LRRC7: variants seen among roughly 807,000 people sequenced by gnomAD.
LRRC7 encodes the protein leucine-rich repeat-containing protein 7.
Under a neutral mutation model 175.7 loss-of-function variants are expected in LRRC7, and 23 were observed. The ratio of observed to expected loss-of-function variants is 0.13; its 90% CI spans 0.09 to 0.19. The LOEUF (loss-of-function observed/expected upper bound fraction) is 0.19. Ranked by LOEUF, LRRC7 falls within the 10% of genes least tolerant of loss-of-function variation. The pLI is 1.00. For synonymous variants in LRRC7, 685 were observed against 680.9 expected (o/e 1.01, Z -0.09); for missense variants, 1,354 against 1,904.7 (o/e 0.71, Z 5.38).
At position 70,126,407 on chromosome 1, in the gene LRRC7, A is replaced by C. The variant is rs1292010268; in HGVS notation, c.*4520A>C. On this transcript the variant is annotated 3_prime_UTR_variant, in exon 27 of 27. Transcript: ENST00000651989. The stretch of plus-strand genomic sequence containing the variant: ...GTAGTTCCTTTCACAGAAATGCTAA[A>C]TCTTACTGAGCTTAACTAAATGTTC... Among the ~76,000 whole-genome samples the C allele has an allele frequency of 4.6e-5, 7 of 152,052 alleles. No homozygotes were observed. The East Asian group carries it at 1.3e-3, about 29-fold the overall frequency.
chr1:69,926,333 G>T (rs1344583473), intron 7 of LRRC7, among the ~76,000 whole-genome samples: 15 of 131,502 alleles, frequency 1.1e-4, no homozygotes, highest in Admixed American at 5.0e-4. Flanking sequence ...TCCACTTGGT[G>T]CAGAGCTGAG....
At chr1:69,750,387 T>C (rs1429514750) in intron 2 of LRRC7, among the ~76,000 whole-genome samples, 1 of 152,186 alleles carries the variant, frequency 6.6e-6, no homozygotes, top group East Asian at 1.9e-4. Flanking sequence ...TCTGATTTGA[T>C]TGTCACACAT....
At chr1:69,834,748 A>G (rs1459800903) in intron 5 of LRRC7, 32 bp from the exon 6 acceptor site, 3 of 1,501,826 alleles carry the variant, frequency 2.0e-6, no homozygotes, top group Non-Finnish European at 2.8e-6. Context: ...AGCAACATCA[A>G]TGCAGTGACT....
Position 70,141,614 on chromosome 1 carries a change from CTATAGTTAAGAAAAT to C in LRRC7, c.*19731_*19745del, listed in dbSNP as rs1036555795. On this transcript the variant is annotated 3_prime_UTR_variant, in exon 27 of 27. Transcript: ENST00000651989. ...AGAAATTAAAATGTGGTTATCTCAG[CTATAGTTAAGAAAAT>C]TATCAAATGTAAATGATCCCTTTTT... 2.8e-4 allele frequency: 42 copies of C among 152,132 alleles called. No individual in the cohort carries two copies. The highest frequency in any genetic ancestry group is 3.4e-3 in the Middle Eastern group (1 of 292). The allele number at this position is 152,132 out of a possible 1,614,324, so 9.4% of individuals were successfully genotyped here.
chr1:70,055,858 C>T (rs1661109815), intron 23 of LRRC7, among the ~76,000 whole-genome samples: 1 of 152,124 alleles, frequency 6.6e-6, no homozygotes, highest in African/African-American at 2.4e-5. Flanking sequence ...AGAGCCAAAC[C>T]ATAACAAATT....
rs138267435 is a variant in LRRC7 at position 69,876,342 on chromosome 1, G to A, written c.647+38059G>A. On this transcript the variant is annotated intron_variant, in intron 7 of 26. Coordinates refer to ENST00000651989, the MANE Select transcript of LRRC7 (RefSeq NM_001370785.2). ...TATTTTATCAGTTTTTAAAGGGAAG[G>A]CATGTTAGGCATAGTCAGTTTTATT... Among the ~76,000 whole-genome samples the A allele has an allele frequency of 4.2e-3, 634 of 152,182 alleles. 6 individuals are homozygous for A. The highest frequency in any genetic ancestry group is 0.014 in the African/African-American group (575 of 41,542).
Position 70,023,253 on chromosome 1 carries a change from C to G in LRRC7, c.1673C>G (p.Pro558Arg). 1 of 1,613,232 alleles carries G rather than the reference C, an allele frequency of 6.2e-7. No individual in the cohort carries two copies. The highest frequency in any genetic ancestry group is 8.5e-7 in the Non-Finnish European group (1 of 1,179,528). The part of the protein sequence containing the change: ...CDQQIQDMPV[P>R]QNDPQLAWGC... ...CAGCAGATCCAAGATATGCCCGTCC[C>G]CCAGAATGACCCACAGCTGGCATGG... Residue 558 changes from proline (P) to arginine (R), a missense_variant, in exon 17 of 27, where the codon CCC becomes CGC. By Grantham distance (103) the Pro-to-Arg change is moderately radical (BLOSUM62 -2). Around this residue, in one of 4 missense-constraint regions of LRRC7, gnomAD observed 1,032 missense variants for 1,227.2 expected, o/e 0.84. Transcript: ENST00000651989.
rs574399723 is a variant in LRRC7, at chr1:70,064,549, T to C, written c.4230+11404T>C. On this transcript the variant is annotated intron_variant, in intron 23 of 26. Coordinates refer to ENST00000651989, the MANE Select transcript of LRRC7 (RefSeq NM_001370785.2). The stretch of plus-strand genomic sequence containing the variant: ...CAACAAAAAAAATCAGAAAACATTA[T>C]AGCATAGCCCATTGCACTGTTAAAT... Among the ~76,000 whole-genome samples, 17 of 151,996 alleles carry C rather than the reference T, an allele frequency of 1.1e-4. No individual in the cohort carries two copies. The Middle Eastern group carries it at 0.01, about 91-fold the overall frequency.
rs144325464 is a variant in LRRC7, at chr1:69,903,350, C to T, written c.648-28157C>T. Among the ~76,000 whole-genome samples the T allele has an allele frequency of 4.8e-3, 733 of 152,228 alleles. 10 individuals are homozygous for T. The highest frequency in any genetic ancestry group is 0.016 in the African/African-American group (676 of 41,532). The stretch of plus-strand genomic sequence containing the variant: ...GGCGAGCGGAAGCAGGGTGGGGCAT[C>T]GCCTCACCTGGGAAGCACAAGGGGT... On this transcript the variant is annotated intron_variant, in intron 7 of 26. Coordinates refer to ENST00000651989, the MANE Select transcript of LRRC7 (RefSeq NM_001370785.2).
chr1:69,894,297 T>C (rs931968533), intron 7 of LRRC7, among the ~76,000 whole-genome samples: 5 of 152,168 alleles, frequency 3.3e-5, no homozygotes, highest in African/African-American at 1.2e-4. Flanking sequence ...GTCAGGAAGC[T>C]GGTAAGGTGT....
In LRRC7 at chr1:70,023,120, C is replaced by A; in HGVS notation, c.1546-6C>A. The A allele has an allele frequency of 7.2e-7, 1 of 1,384,512 alleles. No individual in the cohort carries two copies. The highest frequency in any genetic ancestry group is 2.1e-5 in the South Asian group (1 of 48,744). The allele number at this position is 1,384,512 out of a possible 1,614,324, so 85.8% of individuals were successfully genotyped here. Reference sequence around the variant, plus strand: ...TCCCAGAAAATGGAGATTCCTTCTCCCACAGGATCTCTCCTGCCAAGCCCC... The same window carrying A: ...TCCCAGAAAATGGAGATTCCTTCTCACACAGGATCTCTCCTGCCAAGCCCC... On this transcript the variant is annotated splice_polypyrimidine_tract_variant and splice_region_variant and intron_variant, in intron 16 of 26. Coordinates refer to ENST00000651989, the MANE Select transcript of LRRC7 (RefSeq NM_001370785.2).
rs1332130135 is a variant in LRRC7 at position 69,650,136 on chromosome 1, T to C, written c.3-28245T>C. Among the ~76,000 whole-genome samples the C allele has an allele frequency of 3.3e-5, 5 of 152,172 alleles. No individual in the cohort carries two copies. In the South Asian group the frequency reaches 8.3e-4, roughly 25 times the overall value. On this transcript the variant is annotated intron_variant, in intron 1 of 26. Coordinates refer to ENST00000651989, the MANE Select transcript of LRRC7 (RefSeq NM_001370785.2). The stretch of plus-strand genomic sequence containing the variant: ...CTCCATTATTAATTTTCTGGTTTTT[T>C]CTTCAAGGAAAATTATTTCCCTGGC...
chr1:69,825,944 A>T (rs1004704367), intron 5 of LRRC7, 118 bp downstream of exon 5: 2 of 542,134 alleles, frequency 3.7e-6, no homozygotes, highest in Non-Finnish European at 6.1e-6. Context: ...CATAGCATTT[A>T]ATAGAATGAT....
At chr1:69,880,913 G>T (rs142256948) in intron 7 of LRRC7, among the ~76,000 whole-genome samples, 1 of 152,174 alleles carries the variant, frequency 6.6e-6, no homozygotes, top group African/African-American at 2.4e-5. Context: ...AAATTGCAAA[G>T]CCAGAATAAT....
intron 13 of LRRC7, among the ~76,000 whole-genome samples, chr1:70,016,256 A>T (rs1656954834): frequency 6.6e-6 from 1 of 152,108 alleles, no homozygotes; most frequent in South Asian, 2.1e-4. Flanking sequence ...CATGTTAAAC[A>T]TTTTTTATTT....
rs1666575530 is a variant in LRRC7, at chr1:70,129,362, A to C, written c.*7475A>C. Among the ~76,000 whole-genome samples, 1 of 152,186 alleles carries C rather than the reference A, an allele frequency of 6.6e-6. No individual in the cohort carries two copies. The highest frequency in any genetic ancestry group is 2.1e-4 in the South Asian group (1 of 4,834). On this transcript the variant is annotated 3_prime_UTR_variant, in exon 27 of 27. Coordinates refer to ENST00000651989, the MANE Select transcript of LRRC7 (RefSeq NM_001370785.2). ...GTGTGAATGCCTTGCTAGACAAGAT[A>C]AATAGCAACCAGAATCTCTTGAATC...
chr1:69,900,260 A>G (rs186265153), intron 7 of LRRC7, among the ~76,000 whole-genome samples: 201 of 152,246 alleles, frequency 1.3e-3, no homozygotes, highest in Non-Finnish European at 2.1e-3. Context: ...ATGGGATCAC[A>G]AGTACACATC....
At chr1:70,047,770 A>G (rs1288263583) in intron 22 of LRRC7, among the ~76,000 whole-genome samples, 1 of 151,988 alleles carries the variant, frequency 6.6e-6, no homozygotes, top group Admixed American at 6.6e-5. Flanking sequence ...CTATAATTTT[A>G]TAGAACTCTT....
intron 7 of LRRC7, among the ~76,000 whole-genome samples, chr1:69,927,321 G>C (rs552872011): frequency 6.6e-6 from 1 of 151,954 alleles, no homozygotes; most frequent in Non-Finnish European, 1.5e-5. Context: ...TCTTTGTGGC[G>C]TTCTCTGTAT....
Sources: allele counts gnomAD v4.1 joint callset (sites outside exome capture counted in the v4.1 genomes callset), GRCh38; gene constraint gnomAD v4.1.1; regional missense constraint gnomAD v4.1.1; transcripts MANE v1.5; gene names NCBI Gene and HGNC (gene_info 2026-07-23, HGNC 2026-07-21).